The following SYNPR variants were observed in gnomAD, a reference collection of about 807,000 sequenced individuals.
SYNPR encodes synaptoporin.
In SYNPR, 23 loss-of-function variants were observed where a neutral mutation model predicts 32.9. The ratio of observed to expected loss-of-function variants is 0.70; its 90% confidence interval spans 0.50 to 0.99. SYNPR has a LOEUF of 0.99. Among genes scored for constraint, SYNPR ranks in the 50% least tolerant of loss-of-function variants. The probability of loss-of-function intolerance (pLI) is 0.00; values close to 1 mark genes in which losing one functional copy is unlikely to be tolerated. For synonymous variants in SYNPR, 146 were observed against 135.9 expected (o/e 1.07, Z -0.52); for missense variants, 318 against 349.3 (o/e 0.91, Z 0.71).
chr3:63,341,410 G>A (rs946287625), intron 2 of SYNPR, among the ~76,000 whole-genome samples: 1 of 152,120 alleles, frequency 6.6e-6, no homozygotes, highest in African/African-American at 2.4e-5. Flanking sequence ...ACTAAGCTTG[G>A]CTTTGAAAGA....
At chr3:63,538,977 A>T (rs987826975) in intron 3 of SYNPR, among the ~76,000 whole-genome samples, 1 of 152,206 alleles carries the variant, frequency 6.6e-6, no homozygotes, top group African/African-American at 2.4e-5. Flanking sequence ...AAAAACAAAC[A>T]GGAGCCTAGC....
chr3:63,467,651 G>A (rs1421552873), intron 2 of SYNPR, among the ~76,000 whole-genome samples: 1 of 152,146 alleles, frequency 6.6e-6, no homozygotes, highest in African/African-American at 2.4e-5. Context: ...CAGTTGTTGT[G>A]GTTATTGTGA....
chr3:63,413,661 C>T (rs1247544644), intron 2 of SYNPR, among the ~76,000 whole-genome samples: 1 of 152,154 alleles, frequency 6.6e-6, no homozygotes, highest in African/African-American at 2.4e-5. Context: ...CAACACTCTG[C>T]ATACTTTTGG....
At chr3:63,411,366 C>T (rs775336243) in intron 2 of SYNPR, among the ~76,000 whole-genome samples, 13 of 152,094 alleles carry the variant, frequency 8.5e-5, no homozygotes, top group Non-Finnish European at 1.6e-4. Flanking sequence ...TTACAGAGCA[C>T]ATACTGCATG....
intron 4 of SYNPR, among the ~76,000 whole-genome samples, chr3:63,595,775 A>ATATATATATATATATATATAATTT (rs1699937802): frequency 3.7e-5 from 2 of 53,972 alleles, no homozygotes; most frequent in African/African-American, 1.9e-4. Flanking sequence ...ATATAATTTT[A>ATATATATATATATATATATAATTT]TATATATATA....
At chr3:63,307,609 C>A (rs1007761634) in intron 2 of SYNPR, among the ~76,000 whole-genome samples, 1 of 151,986 alleles carries the variant, frequency 6.6e-6, no homozygotes, top group Non-Finnish European at 1.5e-5. Flanking sequence ...CCTTTCCCTG[C>A]CATCCCCTCA....
chr3:63,274,331 G>A (rs1031805071), upstream of SYNPR, among the ~76,000 whole-genome samples: 2 of 152,200 alleles, frequency 1.3e-5, no homozygotes, highest in African/African-American at 4.8e-5. Flanking sequence ...TGTATAGTTT[G>A]ACTCAAGATT....
At chr3:63,390,149 G>A (rs577418577) in intron 2 of SYNPR, among the ~76,000 whole-genome samples, 41 of 152,214 alleles carry the variant, frequency 2.7e-4, no homozygotes, top group Admixed American at 9.2e-4. Context: ...ACACAAATTG[G>A]GAACAAGAAA....
At chr3:63,441,105 G>A (rs1700162174) in intron 2 of SYNPR, among the ~76,000 whole-genome samples, 1 of 152,154 alleles carries the variant, frequency 6.6e-6, no homozygotes, top group African/African-American at 2.4e-5. Flanking sequence ...GCTTTACCAG[G>A]TATTGACTCT....
chr3:63,495,974 A>C (rs1158945661), intron 3 of SYNPR, among the ~76,000 whole-genome samples: 1 of 152,120 alleles, frequency 6.6e-6, no homozygotes, highest in Admixed American at 6.6e-5. Flanking sequence ...GTATGTCACT[A>C]TATGTTGATT....
At chr3:63,585,466 C>T (rs1025276647) in intron 4 of SYNPR, among the ~76,000 whole-genome samples, 12 of 151,852 alleles carry the variant, frequency 7.9e-5, no homozygotes, top group African/African-American at 1.4e-4. Flanking sequence ...CCCTCCGCCC[C>T]GCACCCACCA....
intron 3 of SYNPR, among the ~76,000 whole-genome samples, chr3:63,509,119 T>TATATAC (rs1228212365): frequency 2.7e-5 from 4 of 150,126 alleles, no homozygotes; most frequent in African/African-American, 4.9e-5. Context: ...TATATATATA[T>TATATAC]ACACACACAC....
In SYNPR at chr3:63,369,704, A is replaced by C. The variant is rs1403490182; in HGVS notation, c.84+90962A>C. 2.6e-5 allele frequency among the ~76,000 whole-genome samples: 4 copies of C among 152,246 alleles called. No individual in the cohort carries two copies. The East Asian group carries it at 7.7e-4, about 29-fold the overall frequency. ...CTACCCACTGGTGTGAAGGCGAAGC[A>C]GAGAGGCTTTGACATTGCTCTCAAA... On this transcript the variant is annotated intron_variant, in intron 2 of 5. Coordinates refer to ENST00000478300, the MANE Select transcript of SYNPR (RefSeq NM_001130003.2).
At chr3:63,309,361 C>T (rs1336171757) in intron 2 of SYNPR, among the ~76,000 whole-genome samples, 1 of 151,856 alleles carries the variant, frequency 6.6e-6, no homozygotes, top group African/African-American at 2.4e-5. Context: ...GTTGTATTTT[C>T]CTGTGTGTTT....
At chr3:63,518,956 G>T (rs1012745735) in intron 3 of SYNPR, among the ~76,000 whole-genome samples, 1 of 152,020 alleles carries the variant, frequency 6.6e-6, no homozygotes, top group Non-Finnish European at 1.5e-5. Context: ...GTTTGTTGAG[G>T]GTTTTTAACA....
chr3:63,547,990 A>T (rs1413687073), intron 3 of SYNPR, among the ~76,000 whole-genome samples: 1 of 152,216 alleles, frequency 6.6e-6, no homozygotes, highest in Non-Finnish European at 1.5e-5. Flanking sequence ...AATCACCATC[A>T]TCATTCTAAA....
chr3:63,290,141 AAACTCCTTTTCACATATG>A (rs2086724413), intron 2 of SYNPR, among the ~76,000 whole-genome samples: 1 of 145,444 alleles, frequency 6.9e-6, no homozygotes, highest in African/African-American at 2.6e-5. Context: ...AAAAACAAAA[AAACTCCTTTTCACATATG>A]AAAAAATTAA....
intron 2 of SYNPR, among the ~76,000 whole-genome samples, chr3:63,444,968 A>G (rs1385385454): frequency 6.7e-6 from 1 of 149,978 alleles, no homozygotes; most frequent in Non-Finnish European, 1.5e-5. Context: ...AAAACAAAAC[A>G]AAACACAAAC....
intron 1 of SYNPR, among the ~76,000 whole-genome samples, chr3:63,231,398 G>A (rs1244700182): frequency 2.6e-5 from 4 of 152,048 alleles, no homozygotes; most frequent in Non-Finnish European, 1.5e-5. Context: ...CAGGTGATGG[G>A]TGCACCAAAA....
Sources: gnomAD v4.1 joint callset for allele counts (sites outside exome capture counted in the v4.1 genomes callset) on GRCh38, gnomAD v4.1.1 for gene constraint, MANE v1.5 for transcripts, NCBI Gene and HGNC (gene_info 2026-07-23, HGNC 2026-07-21) for gene names.